Variants in INPP5D observed in about 807,000 individuals in gnomAD.
INPP5D encodes the protein inositol polyphosphate-5-phosphatase D.
INPP5D carries 33 observed loss-of-function variants against 122.9 expected under a neutral mutation model. That is an observed-to-expected ratio of 0.27 (90% CI 0.20 to 0.36). The LOEUF (loss-of-function observed/expected upper bound fraction) is 0.36. Among genes scored for constraint, INPP5D ranks in the 10% least tolerant of loss-of-function variants. The probability of loss-of-function intolerance (pLI) is 1.00; values close to 1 mark genes in which losing one functional copy is unlikely to be tolerated. For missense variants in INPP5D, 1,053 were observed against 1,412.7 expected (o/e 0.75, Z 4.08); for synonymous variants, 584 against 576.2 (o/e 1.01, Z -0.19).
At chr2:233,061,547 G>A (rs73094949) in intron 1 of INPP5D, among the ~76,000 whole-genome samples, 2,501 of 152,206 alleles carry the variant, frequency 0.016, 86 homozygotes, top group African/African-American at 0.056. Flanking sequence ...ATGTTCCCCC[G>A]AGCAGCCAGG....
At chr2:233,205,366 T>C (rs1318331659) in intron 26 of INPP5D, 1 of 128,802 alleles carries the variant, frequency 7.8e-6, no homozygotes, top group Admixed American at 7.8e-5. Context: ...AAAAAAAAAT[T>C]AAAAAACAAC....
intron 13 of INPP5D, among the ~76,000 whole-genome samples, chr2:233,166,382 A>C (rs1694340564): frequency 1.3e-5 from 2 of 152,228 alleles, no homozygotes; most frequent in East Asian, 3.8e-4. Context: ...CACACATTGC[A>C]TGAGCAGACG....
chr2:233,164,188 G>C lies in INPP5D; in HGVS notation c.1438-119G>C. ...ATCGCTGGGAGTCCCCCGAAGGGTT[G>C]GGATTACAGACAGGATACCCCATAC... On this transcript the variant is annotated intron_variant, in intron 12 of 26. Transcript: ENST00000445964. The surrounding 1 kb of genome is among the most constrained non-coding windows in gnomAD (Gnocchi z 4.3). The C allele has an allele frequency of 6.9e-7, 1 of 1,442,512 alleles. No homozygotes were observed. Among genetic ancestry groups the C allele is most frequent in the Non-Finnish European group, 9.1e-7 (1 of 1,098,134 alleles). The allele number at this position is 1,442,512 out of a possible 1,614,324, so 89.4% of individuals were successfully genotyped here. A position where few individuals can be genotyped will look rare whatever the true frequency, so the allele number is the denominator to read the frequency against.
chr2:233,158,543 C>T, intron 10 of INPP5D, 124 bp downstream of exon 10: 1 of 540,824 alleles, frequency 1.8e-6, no homozygotes, highest in East Asian at 3.1e-5. Flanking sequence ...ACCCATTTCA[C>T]ACCTGGGAAA....
Position 233,177,400 on chromosome 2 carries a change from G to T in INPP5D, c.2071+54G>T. 1.2e-6 allele frequency: 2 copies of T among 1,612,128 alleles called. No homozygotes were observed. Among genetic ancestry groups the T allele is most frequent in the South Asian group, 1.1e-5 (1 of 90,998 alleles). ...CAGGATCAGAGAATGGCACCAAGCT[G>T]GGAGGTGTGACTGCCCTAAAATCTA... On this transcript the variant is annotated intron_variant, in intron 18 of 26. Transcript: ENST00000445964. This position sits in a 1 kb window ranked among gnomAD's most constrained non-coding sequence, Gnocchi z 4.2.
intron 1 of INPP5D, among the ~76,000 whole-genome samples, chr2:233,061,482 C>A (rs1239857789): frequency 1.3e-5 from 2 of 152,078 alleles, no homozygotes; most frequent in Non-Finnish European, 2.9e-5. Context: ...GGAGTGTAGT[C>A]AGGGAAATGT....
intron 11 of INPP5D, among the ~76,000 whole-genome samples, chr2:233,163,252 C>CA (rs1694241478): frequency 6.6e-6 from 1 of 152,218 alleles, no homozygotes; most frequent in African/African-American, 2.4e-5. Context: ...CTCTGGCTCA[C>CA]ACCCAGGCAT....
At chr2:233,069,809 G>C (rs1451757784) in intron 1 of INPP5D, among the ~76,000 whole-genome samples, 5 of 152,084 alleles carry the variant, frequency 3.3e-5, no homozygotes, top group Non-Finnish European at 7.3e-5. Flanking sequence ...AAGGTCTTTT[G>C]CAGAAATGTT....
At chr2:233,118,167 T>A (rs1692858182) in intron 2 of INPP5D, among the ~76,000 whole-genome samples, 1 of 152,140 alleles carries the variant, frequency 6.6e-6, no homozygotes, top group African/African-American at 2.4e-5. Flanking sequence ...TGGAAGCCCC[T>A]CCTGGCTTTG....
rs199666337 is a variant in INPP5D at position 233,177,345 on chromosome 2, T to C, written c.2070T>C (p.Tyr690=). 5.6e-6 allele frequency: 9 copies of C among 1,613,774 alleles called. No individual in the cohort carries two copies. In the African/African-American group the frequency reaches 1.1e-4, roughly 19 times the overall value. ...TGGTGCACGTGGTGTGTCAGTCTTA[T>C]GGTGAGTTCAAACACTGGGGAAAGC... ...YPLVHVVCQS[Y]GSTSDIMTSD... is the part of the protein sequence containing the mutation. Residue 690 remains tyrosine (Y), a splice_region_variant and synonymous_variant, in exon 18 of 27, where the codon TAT becomes TAC. Transcript: ENST00000445964. The surrounding 1 kb of genome is among the most constrained non-coding windows in gnomAD (Gnocchi z 4.2).
chr2:233,146,047 T>C (rs1693750561), intron 6 of INPP5D, 115 bp from the exon 7 acceptor site: 1 of 703,286 alleles, frequency 1.4e-6, no homozygotes, highest in Admixed American at 2.0e-5. Context: ...TAATAGAACT[T>C]GTGGGGCTGC....
chr2:233,196,123 C>CA (rs758507808), intron 24 of INPP5D, among the ~76,000 whole-genome samples: 104 of 151,644 alleles, frequency 6.9e-4, no homozygotes, highest in Middle Eastern at 3.4e-3. Context: ...GACCTTGTCT[C>CA]AAAAAAAACA....
At chr2:233,086,117 G>A (rs1422910476) in intron 2 of INPP5D, among the ~76,000 whole-genome samples, 4 of 114,880 alleles carry the variant, frequency 3.5e-5, no homozygotes, top group African/African-American at 6.1e-5. Flanking sequence ...GGATAAGATA[G>A]CCTCTTTCTT....
intron 22 of INPP5D, among the ~76,000 whole-genome samples, chr2:233,191,479 T>G (rs573950840): frequency 6.6e-6 from 1 of 152,304 alleles, no homozygotes; most frequent in South Asian, 2.1e-4. Context: ...CTTCTTGCAC[T>G]GGGTTAGATG....
intron 17 of INPP5D, among the ~76,000 whole-genome samples, chr2:233,176,371 AGGTG>A (rs1410096571): frequency 1.1e-3 from 36 of 32,628 alleles, no homozygotes; most frequent in African/African-American, 2.5e-3. Flanking sequence ...GCGAATGGAT[AGGTG>A]GGTGGGTGGG....
chr2:233,102,785 G>T (rs145640214), intron 2 of INPP5D, among the ~76,000 whole-genome samples: 1 of 150,066 alleles, frequency 6.7e-6, no homozygotes, highest in East Asian at 2.0e-4. Context: ...GGGAAGCGGA[G>T]CTTGCAGTGA....
At chr2:233,195,635 C>T (rs1478337116) in intron 24 of INPP5D, 140 bp downstream of exon 24, 6 of 1,431,440 alleles carry the variant, frequency 4.2e-6, no homozygotes, top group Non-Finnish European at 5.6e-6. Flanking sequence ...TCATTTGAGC[C>T]TAGGAGTTTG....
At chr2:233,202,417 G>A (rs368104153) in intron 25 of INPP5D, among the ~76,000 whole-genome samples, 14 of 152,190 alleles carry the variant, frequency 9.2e-5, no homozygotes, top group African/African-American at 2.9e-4. Context: ...AAAAATTAAT[G>A]GGCAACACCC....
chr2:233,119,506 G>A lies in INPP5D; in HGVS notation c.199-2601G>A, dbSNP rs376124755. Among the ~76,000 whole-genome samples the A allele has an allele frequency of 6.6e-5, 10 of 152,314 alleles. No homozygotes were observed. In the East Asian group the frequency reaches 1.2e-3, roughly 18 times the overall value. ...ATTTCTGGTTCAATAATGTTTGAAAGAGATTGCTTAACACGGGGCTTTGTG... is the reference window on the plus strand; with the variant it reads ...ATTTCTGGTTCAATAATGTTTGAAAAAGATTGCTTAACACGGGGCTTTGTG... On this transcript the variant is annotated intron_variant, in intron 2 of 26. Coordinates refer to ENST00000445964, the MANE Select transcript of INPP5D (RefSeq NM_001017915.3).
Sources: allele counts gnomAD v4.1 joint callset (sites outside exome capture counted in the v4.1 genomes callset), GRCh38; gene constraint gnomAD v4.1.1; non-coding constraint Gnocchi (gnomAD v3.1); transcripts MANE v1.5; gene names NCBI Gene and HGNC (gene_info 2026-07-23, HGNC 2026-07-21).